Variants in KCTD3 observed in about 807,000 individuals in gnomAD.
KCTD3 encodes the protein potassium channel tetramerization domain containing 3, also known as BTB/POZ domain-containing protein KCTD3.
In KCTD3, 41 loss-of-function variants were observed where a neutral mutation model predicts 85.8. The observed-to-expected ratio is 0.48, with a 90% CI of 0.37 to 0.62. The LOEUF is 0.62. Ranked by LOEUF, KCTD3 falls within the 20% of genes least tolerant of loss-of-function variation. KCTD3 has a pLI of 0.00. For missense variants in KCTD3, 724 were observed against 989.9 expected, an observed-to-expected ratio of 0.73 and a Z score of 3.60; for synonymous variants, 338 against 345.4, an observed-to-expected ratio of 0.98 and a Z score of 0.24.
chr1:215,573,010 G>A (rs1045877690), intron 1 of KCTD3, among the ~76,000 whole-genome samples: 1 of 152,076 alleles, frequency 6.6e-6, no homozygotes, highest in African/African-American at 2.4e-5. Context: ...ATAAATTATT[G>A]GTTTGTTGTC....
intron 9 of KCTD3, among the ~76,000 whole-genome samples, chr1:215,587,759 T>G (rs1660066642): frequency 6.6e-6 from 1 of 152,232 alleles, no homozygotes; most frequent in South Asian, 2.1e-4. Flanking sequence ...CTTCTTTGAT[T>G]CTTTATCAAA....
At chr1:215,613,161 T>C (rs372215144) in intron 15 of KCTD3, among the ~76,000 whole-genome samples, 1 of 152,188 alleles carries the variant, frequency 6.6e-6, no homozygotes, top group Non-Finnish European at 1.5e-5. Flanking sequence ...GTTTTTTGCA[T>C]GTCAAACAAA....
At chr1:215,580,754 G>T (rs186776895) in intron 8 of KCTD3, among the ~76,000 whole-genome samples, 2 of 152,016 alleles carry the variant, frequency 1.3e-5, no homozygotes. Context: ...TATCACTGTT[G>T]AGTTCGGTTA....
At chr1:215,589,538 G>T (rs1311391377) in intron 9 of KCTD3, among the ~76,000 whole-genome samples, 1 of 152,132 alleles carries the variant, frequency 6.6e-6, no homozygotes, top group South Asian at 2.1e-4. Flanking sequence ...GCACAATAAG[G>T]TTAAGTTATT....
At chr1:215,584,492 G>C (rs186934663) in intron 8 of KCTD3, among the ~76,000 whole-genome samples, 1 of 152,248 alleles carries the variant, frequency 6.6e-6, no homozygotes, top group Admixed American at 6.5e-5. Flanking sequence ...GCCTTGCCAT[G>C]GGTTTATCAT....
At chr1:215,595,837 C>T (rs926581590) in intron 10 of KCTD3, among the ~76,000 whole-genome samples, 1 of 151,904 alleles carries the variant, frequency 6.6e-6, no homozygotes, top group Non-Finnish European at 1.5e-5. Flanking sequence ...CTCTCAAGTA[C>T]TTGAGAGGAA....
At chr1:215,620,016 G>T in intron 17 of KCTD3, 41 bp from the exon 18 acceptor site, 2 of 1,433,772 alleles carry the variant, frequency 1.4e-6, no homozygotes, top group Non-Finnish European at 1.9e-6. Context: ...AGAAATCACA[G>T]AGTGAAATCT....
In KCTD3 at chr1:215,579,920, G is replaced by A; in HGVS notation, c.547G>A (p.Asp183Asn). ...TCCAAAATCAACAGGATTTCCTGTG[G>A]ATCCACGAAAGGTGCTAATAGTAGC... is the stretch of plus-strand genomic sequence containing the variant. ...EETVRLGFPVDPRKVLIVAGH... is the reference protein window; with the variant it reads ...EETVRLGFPVNPRKVLIVAGH... Residue 183 changes from aspartate (D) to asparagine (N), a missense_variant, in exon 8 of 18, where the codon GAT becomes AAT. By Grantham distance (23) the Asp-to-Asn change is conservative (BLOSUM62 1). Coordinates refer to ENST00000259154, the MANE Select transcript of KCTD3 (RefSeq NM_016121.5). 6.2e-7 allele frequency: 1 copy of A among 1,612,212 alleles called. No individual in the cohort carries two copies. The highest frequency in any genetic ancestry group is 8.5e-7 in the Non-Finnish European group (1 of 1,178,408).
intron 11 of KCTD3, 38 bp from the exon 12 acceptor site, chr1:215,602,047 T>G (rs770939970): frequency 7.1e-7 from 1 of 1,407,242 alleles, no homozygotes; most frequent in Admixed American, 1.8e-5. Flanking sequence ...ATAGATATGC[T>G]ATTTATTTTA....
chr1:215,600,622 ATTGT>A (rs1442550052), intron 10 of KCTD3, among the ~76,000 whole-genome samples: 1 of 152,158 alleles, frequency 6.6e-6, no homozygotes, highest in African/African-American at 2.4e-5. Flanking sequence ...TCTCTAGTTC[ATTGT>A]TTGTTTTCTT....
intron 15 of KCTD3, among the ~76,000 whole-genome samples, chr1:215,612,325 AGT>A (rs1404664034): frequency 6.6e-6 from 1 of 152,198 alleles, no homozygotes; most frequent in Non-Finnish European, 1.5e-5. Flanking sequence ...TTCCTGATTC[AGT>A]ATCCCCTTTT....
chr1:215,586,878 TC>T (rs1173428045), intron 9 of KCTD3, among the ~76,000 whole-genome samples, 193 bp downstream of exon 9: 1 of 152,206 alleles, frequency 6.6e-6, no homozygotes, highest in Non-Finnish European at 1.5e-5. Context: ...GAACATCTTT[TC>T]ACCACTTTAA....
intron 12 of KCTD3, among the ~76,000 whole-genome samples, chr1:215,603,233 G>T (rs1402770168): frequency 2.6e-5 from 4 of 152,060 alleles, no homozygotes; most frequent in Non-Finnish European, 5.9e-5. Context: ...AGTGGCAGGG[G>T]GATTTTAAGG....
At chr1:215,578,833 A>G (rs1227145659) in intron 6 of KCTD3, among the ~76,000 whole-genome samples, 167 bp from the exon 7 acceptor site, 1 of 151,958 alleles carries the variant, frequency 6.6e-6, no homozygotes, top group Admixed American at 6.6e-5. Context: ...TTTCATTTTC[A>G]TTTTATTTTT....
intron 8 of KCTD3, among the ~76,000 whole-genome samples, chr1:215,584,694 C>T (rs1476652338): frequency 6.6e-6 from 1 of 152,076 alleles, no homozygotes; most frequent in African/African-American, 2.4e-5. Flanking sequence ...CTCTATGAGT[C>T]AAATTTGATT....
chr1:215,602,789 A>AT (rs765402492), intron 12 of KCTD3, among the ~76,000 whole-genome samples: 6 of 152,236 alleles, frequency 3.9e-5, no homozygotes, highest in Non-Finnish European at 7.3e-5. Flanking sequence ...CTAAGAAACA[A>AT]TTTGTATTCA....
At chr1:215,575,277 C>G (rs1292543411) in intron 3 of KCTD3, among the ~76,000 whole-genome samples, 1 of 151,786 alleles carries the variant, frequency 6.6e-6, no homozygotes, top group African/African-American at 2.4e-5. Context: ...ACAAAAGTTA[C>G]CAATTATGTA....
intron 10 of KCTD3, among the ~76,000 whole-genome samples, chr1:215,595,681 T>A (rs1660393104): frequency 1.3e-5 from 2 of 152,206 alleles, no homozygotes; most frequent in Admixed American, 1.3e-4. Flanking sequence ...TTTTTTAAAC[T>A]GTGGTTTTGC....
intron 2 of KCTD3, 62 bp downstream of exon 2, chr1:215,573,901 T>C: frequency 8.8e-7 from 1 of 1,140,040 alleles, no homozygotes; most frequent in South Asian, 1.5e-5. Flanking sequence ...TATAATAATG[T>C]TTGTCAGTTA....
Sources: gnomAD v4.1 joint callset for allele counts (sites outside exome capture counted in the v4.1 genomes callset) on GRCh38, gnomAD v4.1.1 for gene constraint, MANE v1.5 for transcripts, NCBI Gene and HGNC (gene_info 2026-07-23, HGNC 2026-07-21) for gene names.